Variants in ST6GAL1 observed in about 807,000 individuals in gnomAD.
ST6GAL1 encodes ST6 beta-galactoside alpha-2,6-sialyltransferase 1.
Under a neutral mutation model 38.0 loss-of-function variants are expected in ST6GAL1, and 20 were observed. The ratio of observed to expected loss-of-function variants is 0.53; its 90% CI spans 0.37 to 0.77. ST6GAL1 has a LOEUF of 0.77. ST6GAL1 is among the 30% of genes least tolerant of loss of function. The probability of loss-of-function intolerance (pLI) is 0.00; values close to 1 mark genes in which losing one functional copy is unlikely to be tolerated. For synonymous variants in ST6GAL1, 196 were observed against 188.2 expected (o/e 1.04, Z -0.34); for missense variants, 432 against 496.4 (o/e 0.87, Z 1.23).
rs190837284 is a variant in ST6GAL1 at position 187,065,149 on chromosome 3, C to T, written c.706-7700C>T. ...AAGTAGCTGAGATTACAGGCATGCA[C>T]CACCATGCCCAGCTAATTTTTTGTA... On this transcript the variant is annotated intron_variant, in intron 5 of 7. Coordinates refer to ENST00000169298, the MANE Select transcript of ST6GAL1 (RefSeq NM_173216.2). Among the ~76,000 whole-genome samples the T allele has an allele frequency of 5.9e-5, 9 of 152,198 alleles. No individual in the cohort carries two copies. In the East Asian group the frequency reaches 1.7e-3, roughly 29 times the overall value.
At chr3:187,058,360 T>A (rs1422784533) in intron 5 of ST6GAL1, among the ~76,000 whole-genome samples, 2 of 152,148 alleles carry the variant, frequency 1.3e-5, no homozygotes, top group Non-Finnish European at 2.9e-5. Context: ...AAAGCAGAAA[T>A]CACCCGTCTT....
intron 5 of ST6GAL1, among the ~76,000 whole-genome samples, chr3:187,061,592 G>A (rs1718916801): frequency 6.6e-6 from 1 of 152,150 alleles, no homozygotes; most frequent in Non-Finnish European, 1.5e-5. Flanking sequence ...GATTTTTGAT[G>A]AGTGTGTCAG....
chr3:186,947,912 A>C (rs1365790837), intron 1 of ST6GAL1, among the ~76,000 whole-genome samples: 1 of 152,212 alleles, frequency 6.6e-6, no homozygotes, highest in Non-Finnish European at 1.5e-5. Context: ...GTCTGTGAAA[A>C]TGTTCACAGT....
At chr3:187,060,608 A>G (rs1718884084) in intron 5 of ST6GAL1, among the ~76,000 whole-genome samples, 1 of 152,212 alleles carries the variant, frequency 6.6e-6, no homozygotes, top group African/African-American at 2.4e-5. Context: ...GATAGCTTGC[A>G]CAAGAGTAGG....
intron 2 of ST6GAL1, among the ~76,000 whole-genome samples, chr3:186,993,152 C>A (rs1357711039): frequency 6.6e-6 from 1 of 152,192 alleles, no homozygotes; most frequent in Non-Finnish European, 1.5e-5. Flanking sequence ...TTTGCAGGTA[C>A]TCGATAAACA....
intron 2 of ST6GAL1, among the ~76,000 whole-genome samples, chr3:186,975,360 TAAGC>T (rs1715489559): frequency 6.6e-6 from 1 of 152,168 alleles, no homozygotes; most frequent in Non-Finnish European, 1.5e-5. Flanking sequence ...TGTGAGAAGA[TAAGC>T]AAGGGATGGG....
At chr3:187,066,846 C>T (rs934981970) in intron 5 of ST6GAL1, among the ~76,000 whole-genome samples, 1 of 152,058 alleles carries the variant, frequency 6.6e-6, no homozygotes, top group African/African-American at 2.4e-5. Flanking sequence ...ACCCAGGTCA[C>T]ACTCCCCCTG....
intron 2 of ST6GAL1, among the ~76,000 whole-genome samples, chr3:186,982,021 G>A (rs1025074061): frequency 1.3e-5 from 2 of 152,154 alleles, no homozygotes; most frequent in Non-Finnish European, 2.9e-5. Context: ...CTATGATACA[G>A]GTCACACTGG....
At chr3:186,962,305 C>T (rs568661156) in intron 1 of ST6GAL1, among the ~76,000 whole-genome samples, 6 of 152,282 alleles carry the variant, frequency 3.9e-5, no homozygotes, top group African/African-American at 1.2e-4. Flanking sequence ...TGTCCCTCCA[C>T]GGGTTTCTCT....
Position 187,038,726 on chromosome 3 carries a change from T to G in ST6GAL1, c.-182-16T>G, listed in dbSNP as rs1031476475. On this transcript the variant is annotated splice_polypyrimidine_tract_variant and intron_variant, in intron 2 of 7. Transcript: ENST00000169298. The stretch of plus-strand genomic sequence containing the variant: ...TCACCTCCTCTCTTTCTGTCTCTTA[T>G]TTTTTGCCTTTGCAGATGAGTTTTG... 1.1e-4 allele frequency: 17 copies of G among 152,278 alleles called. No homozygotes were observed. The highest frequency in any genetic ancestry group is 3.9e-4 in the African/African-American group (16 of 41,454). The allele number at this position is 152,278 out of a possible 1,614,324, so 9.4% of individuals were successfully genotyped here.
intron 2 of ST6GAL1, among the ~76,000 whole-genome samples, chr3:187,003,252 G>A (rs1224906677): frequency 6.6e-6 from 1 of 152,248 alleles, no homozygotes; most frequent in African/African-American, 2.4e-5. Context: ...CCTCTTACCT[G>A]TGGGAAGGTC....
At chr3:187,049,662 C>G (rs1296700408) in intron 4 of ST6GAL1, among the ~76,000 whole-genome samples, 1 of 152,198 alleles carries the variant, frequency 6.6e-6, no homozygotes, top group Non-Finnish European at 1.5e-5. Flanking sequence ...GTGTTGATTT[C>G]TTTAAACTCT....
intron 4 of ST6GAL1, among the ~76,000 whole-genome samples, chr3:187,050,762 G>A (rs1196891588): frequency 6.6e-6 from 1 of 152,142 alleles, no homozygotes; most frequent in Non-Finnish European, 1.5e-5. Flanking sequence ...GTTAAATCCT[G>A]TCCATTTGCT....
intron 5 of ST6GAL1, among the ~76,000 whole-genome samples, chr3:187,071,300 T>G (rs1197033621): frequency 6.6e-6 from 1 of 152,192 alleles, no homozygotes; most frequent in African/African-American, 2.4e-5. Flanking sequence ...TTTCATATAT[T>G]AATTCTGGCT....
intron 2 of ST6GAL1, among the ~76,000 whole-genome samples, chr3:186,980,237 G>C (rs1359754638): frequency 1.3e-5 from 2 of 152,112 alleles, no homozygotes; most frequent in African/African-American, 4.8e-5. Flanking sequence ...CAGCCCAGCT[G>C]GGGTGGAGCC....
At chr3:187,017,605 G>A (rs1560164059) in intron 2 of ST6GAL1, among the ~76,000 whole-genome samples, 1 of 152,134 alleles carries the variant, frequency 6.6e-6, no homozygotes, top group African/African-American at 2.4e-5. Flanking sequence ...GGCCTTGGAC[G>A]GGTTCTAGCA....
At chr3:186,939,011 C>G (rs1487007520) in intron 1 of ST6GAL1, among the ~76,000 whole-genome samples, 3 of 120,414 alleles carry the variant, frequency 2.5e-5, no homozygotes, top group Admixed American at 7.6e-5. Context: ...GAAAGTCAAC[C>G]TAGGACCTTT....
At position 187,075,869 on chromosome 3, in the gene ST6GAL1, G is replaced by C. The variant is rs1719543600; in HGVS notation, c.*66G>C. On this transcript the variant is annotated 3_prime_UTR_variant, in exon 8 of 8. Coordinates refer to ENST00000169298, the MANE Select transcript of ST6GAL1 (RefSeq NM_173216.2). The surrounding 1 kb of genome is among the most constrained non-coding windows in gnomAD (Gnocchi z 4.1). ...TGGTCTCTTGGCCACCCCAGCCTGGGAAGAACATTTTCCTGAACAATTCCA... is the reference window on the plus strand; with the variant it reads ...TGGTCTCTTGGCCACCCCAGCCTGGCAAGAACATTTTCCTGAACAATTCCA... 1.9e-6 allele frequency: 3 copies of C among 1,591,826 alleles called. No homozygotes were observed. Among genetic ancestry groups the C allele is most frequent in the Non-Finnish European group, 1.7e-6 (2 of 1,168,236 alleles).
chr3:187,020,456 G>A (rs1000871795), intron 2 of ST6GAL1, among the ~76,000 whole-genome samples: 13 of 152,154 alleles, frequency 8.5e-5, no homozygotes, highest in African/African-American at 3.1e-4. Context: ...ATTAAATTTG[G>A]TAACATCTAT....
Sources: allele counts gnomAD v4.1 joint callset (sites outside exome capture counted in the v4.1 genomes callset), GRCh38; gene constraint gnomAD v4.1.1; non-coding constraint Gnocchi (gnomAD v3.1); transcripts MANE v1.5; gene names NCBI Gene and HGNC (gene_info 2026-07-23, HGNC 2026-07-21).